SEMA5A: variants seen among roughly 807,000 people sequenced by gnomAD.
SEMA5A encodes semaphorin 5A.
Under a neutral mutation model 135.5 loss-of-function variants are expected in SEMA5A, and 55 were observed. The observed-to-expected ratio is 0.41, with a 90% CI of 0.33 to 0.51. SEMA5A has a LOEUF of 0.51. Ranked by LOEUF, SEMA5A falls within the 20% of genes least tolerant of loss-of-function variation. The pLI is 0.37. For synonymous variants in SEMA5A, 580 were observed against 546.5 expected (o/e 1.06, Z -0.85); for missense variants, 1,290 against 1,419.9 (o/e 0.91, Z 1.47).
chr5:9,537,617 T>C (rs1476888950), intron 1 of SEMA5A, among the ~76,000 whole-genome samples: 5 of 152,230 alleles, frequency 3.3e-5, no homozygotes, highest in African/African-American at 7.2e-5. Context: ...CTGTAAATGT[T>C]ACTCTTAATT....
intron 1 of SEMA5A, among the ~76,000 whole-genome samples, chr5:9,492,171 C>T (rs1403902627): frequency 6.6e-6 from 1 of 152,170 alleles, no homozygotes; most frequent in Non-Finnish European, 1.5e-5. Flanking sequence ...GGAAAGACAA[C>T]CAACAGCATT....
intron 2 of SEMA5A, among the ~76,000 whole-genome samples, chr5:9,381,428 G>T (rs1358109160): frequency 6.6e-6 from 1 of 152,160 alleles, no homozygotes; most frequent in African/African-American, 2.4e-5. Flanking sequence ...CTGGAATCTG[G>T]GTTGGCTCAG....
In SEMA5A at chr5:9,279,283, C is replaced by A. The variant is rs182679861; in HGVS notation, c.270+39089G>T. On this transcript the variant is annotated intron_variant, in intron 5 of 22. Transcript: ENST00000382496. ...TGGGTTTTGGACTTGCATGGGACCTCTAGACCCTTTGTTTTGGCCAATTTC... is the reference window on the plus strand; with the variant it reads ...TGGGTTTTGGACTTGCATGGGACCTATAGACCCTTTGTTTTGGCCAATTTC... Among the ~76,000 whole-genome samples the A allele has an allele frequency of 1.2e-3, 190 of 152,264 alleles. 2 individuals carry two copies. The highest frequency in any genetic ancestry group is 4.4e-3 in the African/African-American group (182 of 41,560).
chr5:9,307,372 C>G (rs140940418), intron 5 of SEMA5A, among the ~76,000 whole-genome samples: 1 of 152,264 alleles, frequency 6.6e-6, no homozygotes, highest in African/African-American at 2.4e-5. Context: ...AATGACTCTA[C>G]CCATCTCTGT....
At chr5:9,209,866 AT>A (rs1746248475) in intron 8 of SEMA5A, among the ~76,000 whole-genome samples, 1 of 152,244 alleles carries the variant, frequency 6.6e-6, no homozygotes, top group African/African-American at 2.4e-5. Context: ...TGACAACATG[AT>A]TTATGCTCTA....
intron 3 of SEMA5A, among the ~76,000 whole-genome samples, chr5:9,338,237 G>A (rs1222655625): frequency 6.6e-6 from 1 of 152,162 alleles, no homozygotes; most frequent in Non-Finnish European, 1.5e-5. Context: ...CAAGGACCAA[G>A]CACACAAGCA....
chr5:9,250,721 G>A (rs961660622), intron 5 of SEMA5A, among the ~76,000 whole-genome samples: 3 of 152,100 alleles, frequency 2.0e-5, no homozygotes, highest in Non-Finnish European at 4.4e-5. Context: ...TGATTTATTT[G>A]TTTGGAATTC....
intron 1 of SEMA5A, among the ~76,000 whole-genome samples, chr5:9,465,135 C>T (rs1332002682): frequency 3.3e-5 from 5 of 152,202 alleles, no homozygotes; most frequent in Non-Finnish European, 5.9e-5. Flanking sequence ...GCCCCAGGCC[C>T]GCTCCTGACT....
At chr5:9,090,501 T>C (rs1315729763) in intron 16 of SEMA5A, among the ~76,000 whole-genome samples, 1 of 152,216 alleles carries the variant, frequency 6.6e-6, no homozygotes, top group African/African-American at 2.4e-5. Context: ...AAAGAACTCT[T>C]CTCTGCATGT....
rs1739873674 is a variant in SEMA5A at position 9,105,662 on chromosome 5, T to C, written c.2073+2478A>G. Among the ~76,000 whole-genome samples the C allele has an allele frequency of 3.3e-5, 5 of 152,204 alleles. No homozygotes were observed. The East Asian group carries it at 5.8e-4, about 18-fold the overall frequency. On this transcript the variant is annotated intron_variant, in intron 16 of 22. Transcript: ENST00000382496. ...CCCTCCTTGATACAGGAGCTCTCAG[T>C]AGGAAAAACCATCACCGCCTTCTCC...
chr5:9,515,237 C>T (rs1004235927), intron 1 of SEMA5A, among the ~76,000 whole-genome samples: 1 of 152,082 alleles, frequency 6.6e-6, no homozygotes, highest in African/African-American at 2.4e-5. Flanking sequence ...AGAGTGTCCA[C>T]CATATATCAC....
chr5:9,257,833 C>G lies in SEMA5A; in HGVS notation c.271-19943G>C, dbSNP rs549517718. Among the ~76,000 whole-genome samples the G allele has an allele frequency of 7.9e-5, 12 of 152,266 alleles. 1 individual carries two copies. The South Asian group carries it at 2.5e-3, about 32-fold the overall frequency. On this transcript the variant is annotated intron_variant, in intron 5 of 22. Coordinates refer to ENST00000382496, the MANE Select transcript of SEMA5A (RefSeq NM_003966.3). ...GGGAGGGTTCAGCAAAGCCCAGGAA[C>G]AGGGTACACAGGGGTGTGCAGGGCA...
In SEMA5A at chr5:9,039,840, A is replaced by G. The variant is rs889076198; in HGVS notation, c.*3057T>C. On this transcript the variant is annotated 3_prime_UTR_variant, in exon 23 of 23. Transcript: ENST00000382496. Reference sequence around the variant, plus strand: ...GTCCCTGGAGCTACAGGAAGCCCACATGTTGTGTAGTGTGCAGAAATTCTG... The same window carrying G: ...GTCCCTGGAGCTACAGGAAGCCCACGTGTTGTGTAGTGTGCAGAAATTCTG... The G allele has an allele frequency of 5.3e-5, 8 of 152,214 alleles. No individual in the cohort carries two copies. The highest frequency in any genetic ancestry group is 1.9e-4 in the African/African-American group (8 of 41,442). 9.4% of individuals were successfully genotyped at this position (152,214 alleles called of 1,614,324 possible).
intron 21 of SEMA5A, among the ~76,000 whole-genome samples, chr5:9,048,176 C>G (rs1285228075): frequency 1.3e-5 from 2 of 152,144 alleles, no homozygotes; most frequent in African/African-American, 2.4e-5. Context: ...TGTTACCTAA[C>G]CAGGGCTACT....
intron 5 of SEMA5A, among the ~76,000 whole-genome samples, chr5:9,266,528 T>A (rs559316799): frequency 1.3e-4 from 20 of 152,348 alleles, no homozygotes; most frequent in Admixed American, 2.6e-4. Flanking sequence ...AATTTCAGGC[T>A]AAATTAGAAA....
chr5:9,229,779 TG>T (rs1747522165), intron 6 of SEMA5A, among the ~76,000 whole-genome samples: 1 of 148,194 alleles, frequency 6.7e-6, no homozygotes, highest in African/African-American at 2.5e-5. Context: ...ACAAACAACA[TG>T]GGCAAGGGTA....
intron 20 of SEMA5A, 37 bp from the exon 21 acceptor site, chr5:9,050,494 G>A: frequency 1.3e-6 from 2 of 1,575,438 alleles, no homozygotes; most frequent in Non-Finnish European, 1.7e-6. Flanking sequence ...TGTGTAAAAG[G>A]TGTTCAGAAG....
chr5:9,500,697 A>G (rs1188366104), intron 1 of SEMA5A, among the ~76,000 whole-genome samples: 2 of 152,218 alleles, frequency 1.3e-5, no homozygotes, highest in Non-Finnish European at 2.9e-5. Flanking sequence ...CATGCAGTAT[A>G]TAGGGTATAC....
intron 12 of SEMA5A, among the ~76,000 whole-genome samples, chr5:9,151,285 A>G (rs1249867862): frequency 6.6e-6 from 1 of 152,174 alleles, no homozygotes; most frequent in Non-Finnish European, 1.5e-5. Context: ...TGTAAACATG[A>G]TTTAGAAGGA....
Sources: gnomAD v4.1 joint callset for allele counts (sites outside exome capture counted in the v4.1 genomes callset) on GRCh38, gnomAD v4.1.1 for gene constraint, MANE v1.5 for transcripts, NCBI Gene and HGNC (gene_info 2026-07-23, HGNC 2026-07-21) for gene names.